Variants in PRDX1 observed in about 807,000 individuals in gnomAD.
PRDX1 encodes the protein peroxiredoxin-1.
In PRDX1, 19 loss-of-function variants were observed where a neutral mutation model predicts 20.7. The ratio of observed to expected loss-of-function variants is 0.92; its 90% CI spans 0.64 to 1.35. The LOEUF (loss-of-function observed/expected upper bound fraction) is 1.35. PRDX1 is among the 40% of genes most tolerant of loss of function. The pLI, the probability that PRDX1 is intolerant of heterozygous loss-of-function variation, is 0.00. For synonymous variants in PRDX1, 89 were observed against 83.9 expected, an observed-to-expected ratio of 1.06 and a Z score of -0.33; for missense variants, 226 against 240.0, an observed-to-expected ratio of 0.94 and a Z score of 0.38.
chr1:45,520,907 A>G (rs933728850), intron 1 of PRDX1, among the ~76,000 whole-genome samples: 2 of 149,300 alleles, frequency 1.3e-5, no homozygotes, highest in Non-Finnish European at 2.9e-5. Context: ...CTAGCTCAAA[A>G]AACAGAGATT....
At chr1:45,521,721 G>GC (rs1643915349) in intron 1 of PRDX1, 108 bp downstream of exon 1, 1 of 152,636 alleles carries the variant, frequency 6.6e-6, no homozygotes, top group Non-Finnish European at 1.5e-5. Flanking sequence ...ACGCATCACA[G>GC]CACCCCCACC....
At chr1:45,515,100 T>G in intron 3 of PRDX1, 105 bp from the exon 4 acceptor site, 1 of 1,504,366 alleles carries the variant, frequency 6.6e-7, no homozygotes. Context: ...CCAAAAAGAC[T>G]GTTTTTTTTC....
intron 3 of PRDX1, among the ~76,000 whole-genome samples, 170 bp from the exon 4 acceptor site, chr1:45,515,165 A>T (rs1432106906): frequency 6.6e-6 from 1 of 152,184 alleles, no homozygotes; most frequent in Non-Finnish European, 1.5e-5. Context: ...TCACTAGGGT[A>T]CACTCAACTG....
chr1:45,513,834 C>G (rs188611901), intron 5 of PRDX1, among the ~76,000 whole-genome samples: 7 of 152,330 alleles, frequency 4.6e-5, no homozygotes, highest in East Asian at 3.9e-4. Context: ...GCCTAGGAAA[C>G]CCAGGTATTG....
intron 4 of PRDX1, 76 bp from the exon 5 acceptor site, chr1:45,514,713 G>C: frequency 3.1e-6 from 5 of 1,592,054 alleles, no homozygotes; most frequent in Non-Finnish European, 4.3e-6. Flanking sequence ...CTTGAAGCCT[G>C]AAGGAAATGG....
intron 2 of PRDX1, among the ~76,000 whole-genome samples, chr1:45,516,342 A>T (rs1158370241): frequency 6.6e-6 from 1 of 152,234 alleles, no homozygotes; most frequent in East Asian, 1.9e-4. Context: ...AAAAATTTTA[A>T]GCCAGGCACA....
At chr1:45,511,452 A>C (rs773972886) in intron 5 of PRDX1, 38 bp from the exon 6 acceptor site, 47 of 1,544,394 alleles carry the variant, frequency 3.0e-5, no homozygotes, top group Non-Finnish European at 3.9e-5. Context: ...TAACCTTCTC[A>C]ATGGTATGCA....
At position 45,514,910 on chromosome 1, in the gene PRDX1, A is replaced by G. The variant is rs1388501789; in HGVS notation, c.346T>C (p.Tyr116His). 1.9e-6 allele frequency: 3 copies of G among 1,614,032 alleles called. No homozygotes were observed. Among genetic ancestry groups the G allele is most frequent in the Non-Finnish European group, 2.5e-6 (3 of 1,180,024 alleles). Reference sequence around the variant, plus strand: ...CCTTCATCAGCCTTTAAGACCCCATAATCCTGAGCAATGGTGCGCTTCGGG... The same window carrying G: ...CCTTCATCAGCCTTTAAGACCCCATGATCCTGAGCAATGGTGCGCTTCGGG... ...SDPKRTIAQD[Y>H]GVLKADEGIS... is the part of the protein sequence containing the mutation. The change falls in exon 4 of 6, where the codon TAT becomes CAT. Residue 116 changes from tyrosine to histidine, a missense_variant. Physicochemically the swap from Tyr to His is moderately conservative, Grantham distance 83 (BLOSUM62 2). Coordinates refer to ENST00000319248, the MANE Select transcript of PRDX1 (RefSeq NM_181697.3).
chr1:45,522,587 A>C (rs190667631), upstream of PRDX1, among the ~76,000 whole-genome samples: 1 of 152,266 alleles, frequency 6.6e-6, no homozygotes, highest in African/African-American at 2.4e-5. Context: ...ACATTTCCTG[A>C]TGACTACCCC....
chr1:45,512,060 CTTATTT>C (rs1643758717), intron 5 of PRDX1: 2 of 131,290 alleles, frequency 1.5e-5, no homozygotes, highest in Admixed American at 7.9e-5. Context: ...GGACTAATCT[CTTATTT>C]TTCTTTTTTT....
Position 45,514,628 on chromosome 1 carries a change from A to T in PRDX1, c.393T>A (p.Phe131Leu). The T allele has an allele frequency of 6.2e-7, 1 of 1,613,614 alleles. No individual in the cohort carries two copies. Among genetic ancestry groups the T allele is most frequent in the Non-Finnish European group, 8.5e-7 (1 of 1,179,498 alleles). The change falls in exon 5 of 6, where the codon TTT (phenylalanine) becomes TTA (leucine). Residue 131 changes from phenylalanine to leucine, a missense_variant. Phe to Leu is a conservative substitution (Grantham distance 22, BLOSUM62 0). Coordinates refer to ENST00000319248, the MANE Select transcript of PRDX1 (RefSeq NM_181697.3). Reference protein sequence around the residue: ...ADEGISFRGLFIIDDKGILRQ... With the variant: ...ADEGISFRGLLIIDDKGILRQ... ...GAAGAATACCCTTATCATCAATGAT[A>T]AAAAGGCCCCTGGGAAAAGAGATGA...
At position 45,515,472 on chromosome 1, in the gene PRDX1, G is replaced by A. The variant is rs2356560; in HGVS notation, c.260+182C>T. Among the ~76,000 whole-genome samples the A allele has an allele frequency of 0.67, 101,208 of 151,406 alleles. 34,215 individuals are homozygous for A. Among genetic ancestry groups the A allele is most frequent in the East Asian group, 0.91 (4,697 of 5,158 alleles). On this transcript the variant is annotated intron_variant, in intron 3 of 5. Coordinates refer to ENST00000319248, the MANE Select transcript of PRDX1 (RefSeq NM_181697.3). ...AAATTAGCCAGGTATGGTGGCAGGC[G>A]CCTGTAGTCCCAGCTACTCAGGAGG...
Position 45,515,778 on chromosome 1 carries a change from G to A in PRDX1, c.136C>T (p.Leu46Phe), listed in dbSNP as rs1157539851. 4 of 1,581,970 alleles carry A rather than the reference G, an allele frequency of 2.5e-6. No individual in the cohort carries two copies. Among genetic ancestry groups the A allele is most frequent in the Non-Finnish European group, 3.4e-6 (4 of 1,169,372 alleles). The part of the protein sequence containing the change: ...GKYVVFFFYP[L>F]DFTFVCPTEI... The stretch of plus-strand genomic sequence containing the variant: ...GTGGGGCACACAAAGGTGAAGTCAA[G>A]AGGGTAAAAGAAGAACACAACATAT... The change falls in exon 3 of 6, where the codon CTT (leucine) becomes TTT (phenylalanine). Residue 46 changes from leucine to phenylalanine, a missense_variant. By Grantham distance (22) the Leu-to-Phe change is conservative. Coordinates refer to ENST00000319248, the MANE Select transcript of PRDX1 (RefSeq NM_181697.3).
At chr1:45,513,380 C>T (rs1643792711) in intron 5 of PRDX1, 1 of 152,180 alleles carries the variant, frequency 6.6e-6, no homozygotes, top group Non-Finnish European at 1.5e-5. Context: ...CCTTTATATT[C>T]TCCTTCCCAA....
rs946920562 is a variant in PRDX1, at chr1:45,514,476, C to T, written c.514+31G>A. 8 of 1,613,310 alleles carry T rather than the reference C, an allele frequency of 5.0e-6. No homozygotes were observed. In the African/African-American group the frequency reaches 8.0e-5, roughly 16 times the overall value. ...CAACCCACCCCTTCATACCACCACT[C>T]TGTTGTCCTGTTATCAGACAGATGG... On this transcript the variant is annotated intron_variant, in intron 5 of 5. Coordinates refer to ENST00000319248, the MANE Select transcript of PRDX1 (RefSeq NM_181697.3).
intron 2 of PRDX1, among the ~76,000 whole-genome samples, chr1:45,517,651 G>C (rs892509096): frequency 6.6e-6 from 1 of 152,002 alleles, no homozygotes; most frequent in East Asian, 1.9e-4. Context: ...GCATGGTTGC[G>C]GGCGCCTGTA....
At chr1:45,520,286 A>T (rs183909556) in intron 1 of PRDX1, among the ~76,000 whole-genome samples, 1 of 100,128 alleles carries the variant, frequency 1.0e-5, no homozygotes, top group Admixed American at 1.2e-4. Context: ...GTATTGTGTA[A>T]GCCCTAGAAT....
chr1:45,520,692 C>G (rs947387920), intron 1 of PRDX1, among the ~76,000 whole-genome samples: 1 of 145,312 alleles, frequency 6.9e-6, no homozygotes, highest in African/African-American at 2.6e-5. Context: ...CCACTGCACT[C>G]CAGCCTGGGC....
chr1:45,515,426 C>T (rs1197236059), intron 3 of PRDX1, among the ~76,000 whole-genome samples: 4 of 151,662 alleles, frequency 2.6e-5, no homozygotes, highest in East Asian at 3.9e-4. Flanking sequence ...GGTGAAACAC[C>T]GTCTCTACTG....
Sources: gnomAD v4.1 joint callset for allele counts (sites outside exome capture counted in the v4.1 genomes callset) on GRCh38, gnomAD v4.1.1 for gene constraint, MANE v1.5 for transcripts, NCBI Gene and HGNC (gene_info 2026-07-23, HGNC 2026-07-21) for gene names.